Variants in EFHB observed in about 807,000 individuals in gnomAD.
EFHB encodes EF-hand domain-containing family member B.
Under a neutral mutation model 87.2 loss-of-function variants are expected in EFHB, and 91 were observed. The observed-to-expected ratio is 1.04, with a 90% CI of 0.88 to 1.24. The LOEUF is 1.24. EFHB is among the 50% of genes most tolerant of loss of function. The probability of loss-of-function intolerance (pLI) is 0.00; values close to 1 mark genes in which losing one functional copy is unlikely to be tolerated. For synonymous variants in EFHB, 325 were observed against 333.6 expected (o/e 0.97, Z 0.28); for missense variants, 1,084 against 998.8 (o/e 1.09, Z -1.15).
chr3:19,881,326 G>A (rs1445324467), intron 12 of EFHB, among the ~76,000 whole-genome samples: 3 of 152,166 alleles, frequency 2.0e-5, no homozygotes, highest in Non-Finnish European at 4.4e-5. Flanking sequence ...TCAGTAGTAT[G>A]CTGACTACCT....
At position 19,896,850 on chromosome 3, in the gene EFHB, G is replaced by C. The variant is rs1410942673; in HGVS notation, c.1571-9C>G. ...GATGAGATCACCAACTCCTATTGAA[G>C]AGAGAAAAAACTTTTTACATAAATT... On this transcript the variant is annotated splice_polypyrimidine_tract_variant and intron_variant, in intron 8 of 12. Transcript: ENST00000295824. 1 of 1,586,608 alleles carries C rather than the reference G, an allele frequency of 6.3e-7. No individual in the cohort carries two copies. Among genetic ancestry groups the C allele is most frequent in the Non-Finnish European group, 8.6e-7 (1 of 1,166,634 alleles).
At chr3:19,945,992 A>C (rs1366269625) in intron 1 of EFHB, 1 of 152,136 alleles carries the variant, frequency 6.6e-6, no homozygotes, top group Non-Finnish European at 1.5e-5. Context: ...TTATCAAAAC[A>C]ATTTTTTTGG....
Position 19,886,747 on chromosome 3 carries a change from A to C in EFHB, c.1933+1697T>G, listed in dbSNP as rs549961092. Among the ~76,000 whole-genome samples the C allele has an allele frequency of 1.1e-3, 167 of 152,054 alleles. 2 individuals carry two copies. Among genetic ancestry groups the C allele is most frequent in the African/African-American group, 3.9e-3 (162 of 41,490 alleles). Reference sequence around the variant, plus strand: ...TATTATAAACCAACTAAAGTACAACAATGTAAGAATTTTTGTTTGAAATAA... The same window carrying C: ...TATTATAAACCAACTAAAGTACAACCATGTAAGAATTTTTGTTTGAAATAA... On this transcript the variant is annotated intron_variant, in intron 10 of 12. Coordinates refer to ENST00000295824, the MANE Select transcript of EFHB (RefSeq NM_144715.4).
At chr3:19,893,282 C>G (rs1694365969) in intron 9 of EFHB, among the ~76,000 whole-genome samples, 2 of 152,110 alleles carry the variant, frequency 1.3e-5, no homozygotes, top group Non-Finnish European at 2.9e-5. Context: ...TAGGAAAGGT[C>G]AGATATAAGA....
chr3:19,940,834 T>C, intron 1 of EFHB: 1 of 387,498 alleles, frequency 2.6e-6, no homozygotes, highest in South Asian at 2.2e-5. Flanking sequence ...CTATCCTTGG[T>C]CATGACATGC....
Position 19,894,527 on chromosome 3 carries a change from TTG to T in EFHB, c.1725+2158_1725+2159del, listed in dbSNP as rs558375701. 2.9e-4 allele frequency: 44 copies of T among 152,322 alleles called. 1 individual carries two copies. Among genetic ancestry groups the T allele is most frequent in the African/African-American group, 1.0e-3 (42 of 41,580 alleles). 9.4% of individuals were successfully genotyped at this position (152,322 alleles called of 1,614,324 possible). ...TCATAGTTTATTTGCTCTGTTGTGT[TTG>T]TGTTTTGTTTTTCCATTAAATTAAA... On this transcript the variant is annotated intron_variant, in intron 9 of 12. Coordinates refer to ENST00000295824, the MANE Select transcript of EFHB (RefSeq NM_144715.4).
rs575080618 is a variant in EFHB at position 19,920,200 on chromosome 3, A to G, written c.853-224T>C. ...CAGATCCTGAGAACATGTGTCCTAAACAACATATTTTAAATGTTGTATTTA... is the reference window on the plus strand; with the variant it reads ...CAGATCCTGAGAACATGTGTCCTAAGCAACATATTTTAAATGTTGTATTTA... On this transcript the variant is annotated intron_variant, in intron 2 of 12. Transcript: ENST00000295824. Among the ~76,000 whole-genome samples, 42 of 152,324 alleles carry G rather than the reference A, an allele frequency of 2.8e-4. 1 individual carries two copies. Among genetic ancestry groups the G allele is most frequent in the African/African-American group, 9.6e-4 (40 of 41,582 alleles).
At chr3:19,907,252 C>G (rs996823233) in intron 5 of EFHB, among the ~76,000 whole-genome samples, 2 of 152,016 alleles carry the variant, frequency 1.3e-5, no homozygotes, top group African/African-American at 4.8e-5. Context: ...AAAAGGCAAC[C>G]TATGAGTTGG....
chr3:19,896,685 G>C lies in EFHB; in HGVS notation c.1725+2C>G, dbSNP rs1694495960. The C allele has an allele frequency of 2.5e-6, 4 of 1,613,834 alleles. No individual in the cohort carries two copies. The highest frequency in any genetic ancestry group is 3.4e-6 in the Non-Finnish European group (4 of 1,179,884). On this transcript the variant is annotated splice_donor_variant, in intron 9 of 12. Coordinates refer to ENST00000295824, the MANE Select transcript of EFHB (RefSeq NM_144715.4). LOFTEE classifies it high-confidence loss of function. ...ACCAAAAAGCTCTCCCCCATTACTGGCCTTGTCATAGTGCCTGAAGGCTGC... is the reference window on the plus strand; with the variant it reads ...ACCAAAAAGCTCTCCCCCATTACTGCCCTTGTCATAGTGCCTGAAGGCTGC...
rs1254314203 is a variant in EFHB at position 19,918,509 on chromosome 3, A to G, written c.997-97T>C. 26 of 1,130,620 alleles carry G rather than the reference A, an allele frequency of 2.3e-5. 1 individual carries two copies. In the East Asian group the frequency reaches 7.0e-4, roughly 30 times the overall value. 70.0% of individuals were successfully genotyped at this position (1,130,620 alleles called of 1,614,324 possible). On this transcript the variant is annotated intron_variant, in intron 3 of 12. Transcript: ENST00000295824. The stretch of plus-strand genomic sequence containing the variant: ...ATAGCTGGGGAGAGGAGACTGTACG[A>G]TTGTGGGAAAACATTTCATTATCAT...
At chr3:19,884,698 C>G in intron 10 of EFHB, 83 bp from the exon 11 acceptor site, 1 of 1,335,146 alleles carries the variant, frequency 7.5e-7, no homozygotes, top group Non-Finnish European at 1.0e-6. Flanking sequence ...ATAAGTTTTC[C>G]CATCTAGTCT....
At chr3:19,902,013 G>T (rs998533719) in intron 6 of EFHB, among the ~76,000 whole-genome samples, 3 of 151,706 alleles carry the variant, frequency 2.0e-5, no homozygotes, top group African/African-American at 7.3e-5. Context: ...ATAAGAAAAA[G>T]AACTGTCAGG....
intron 6 of EFHB, among the ~76,000 whole-genome samples, chr3:19,900,947 A>G (rs1158937284): frequency 1.3e-5 from 2 of 152,140 alleles, no homozygotes; most frequent in Non-Finnish European, 2.9e-5. Flanking sequence ...AAAATGTAGA[A>G]AAGTTATATG....
Position 19,934,094 on chromosome 3 carries a change from G to A in EFHB, c.-76C>T. 3 of 1,496,892 alleles carry A rather than the reference G, an allele frequency of 2.0e-6. No individual in the cohort carries two copies. The highest frequency in any genetic ancestry group is 2.0e-4 in the Middle Eastern group (1 of 5,112). 92.7% of individuals were successfully genotyped at this position (1,496,892 alleles called of 1,614,324 possible). A position where few individuals can be genotyped will look rare whatever the true frequency, so the allele number is the denominator to read the frequency against. ...GAAAGCTGTACCTGGCTACAAAGAC[G>A]CCTCCAATCCCTTGCGGAACCCCTC... On this transcript the variant is annotated 5_prime_UTR_variant, in exon 1 of 13. Transcript: ENST00000295824.
intron 5 of EFHB, among the ~76,000 whole-genome samples, chr3:19,913,527 G>A (rs1000794672): frequency 2.6e-5 from 4 of 152,140 alleles, no homozygotes; most frequent in Non-Finnish European, 4.4e-5. Flanking sequence ...ATAAAACACT[G>A]ATGAAAGAAA....
intron 1 of EFHB, among the ~76,000 whole-genome samples, chr3:19,921,480 G>A (rs1695433462): frequency 6.6e-6 from 1 of 151,932 alleles, no homozygotes; most frequent in Non-Finnish European, 1.5e-5. Context: ...AAAGGGAGGG[G>A]CAAAACAACT....
At position 19,898,852 on chromosome 3, in the gene EFHB, A is replaced by G; in HGVS notation, c.1503-7T>C. The G allele has an allele frequency of 6.2e-7, 1 of 1,613,452 alleles. No homozygotes were observed. On this transcript the variant is annotated splice_region_variant and splice_polypyrimidine_tract_variant and intron_variant, in intron 7 of 12. Transcript: ENST00000295824. ...ATTCATTGTTTCTGCAATGCTATCA[A>G]AGAAAACAAATCCTTAGTTAAAATA...
intron 1 of EFHB, chr3:19,941,699 A>C (rs1184695790): frequency 6.6e-6 from 1 of 152,076 alleles, no homozygotes; most frequent in East Asian, 1.9e-4. Flanking sequence ...TCTACTAAAA[A>C]TACGAAAATT....
chr3:19,912,225 T>C (rs1695088280), intron 5 of EFHB, among the ~76,000 whole-genome samples: 1 of 152,124 alleles, frequency 6.6e-6, no homozygotes, highest in Admixed American at 6.6e-5. Flanking sequence ...CAACATACAA[T>C]GGAGCTTCAA....
Sources: allele counts gnomAD v4.1 joint callset (sites outside exome capture counted in the v4.1 genomes callset), GRCh38; gene constraint gnomAD v4.1.1; transcripts MANE v1.5; gene names NCBI Gene and HGNC (gene_info 2026-07-23, HGNC 2026-07-21).